Variants in PCDHA5 observed in about 807,000 individuals in gnomAD.
The protein encoded by PCDHA5 is protocadherin alpha 5, also known as protocadherin alpha-5.
In PCDHA5, 43 loss-of-function variants were observed where a neutral mutation model predicts 61.6. The ratio of observed to expected loss-of-function variants is 0.70; its 90% confidence interval spans 0.55 to 0.90. PCDHA5 has a LOEUF of 0.90. PCDHA5 is among the 40% of genes least tolerant of loss of function. The pLI, the probability that PCDHA5 is intolerant of heterozygous loss-of-function variation, is 0.00. For synonymous variants in PCDHA5, 627 were observed against 543.9 expected (o/e 1.15, Z -2.13); for missense variants, 1,298 against 1,222.7 (o/e 1.06, Z -0.92).
At chr5:140,837,768 C>T (rs1391486118) in intron 1 of PCDHA5, among the ~76,000 whole-genome samples, 1 of 151,702 alleles carries the variant, frequency 6.6e-6, no homozygotes, top group Non-Finnish European at 1.5e-5. Flanking sequence ...CCTGAAAGTC[C>T]TGGGCTCACA....
rs1483441672 is a variant in PCDHA5 at position 140,821,663 on chromosome 5, A to G, written c.-113A>G. 2.5e-5 allele frequency: 31 copies of G among 1,228,850 alleles called. No homozygotes were observed. Among genetic ancestry groups the G allele is most frequent in the Non-Finnish European group, 1.6e-5 (14 of 885,450 alleles). The allele number at this position is 1,228,850 out of a possible 1,614,324, so 76.1% of individuals were successfully genotyped here. On this transcript the variant is annotated 5_prime_UTR_variant, in exon 1 of 4. Coordinates refer to ENST00000529859, the MANE Select transcript of PCDHA5 (RefSeq NM_018908.3). ...AGAACCTTCCATTTTTGGCTGTGCC[A>G]AGAAGCTCAGAAAGGCGATAATATA...
At chr5:140,922,815 C>G (rs2081002299) in intron 1 of PCDHA5, among the ~76,000 whole-genome samples, 2 of 152,158 alleles carry the variant, frequency 1.3e-5, no homozygotes, top group Non-Finnish European at 2.9e-5. Context: ...AAAGGAGATA[C>G]AGCATACTGC....
At chr5:140,963,714 A>G (rs1554226741) in intron 1 of PCDHA5, among the ~76,000 whole-genome samples, 2 of 152,260 alleles carry the variant, frequency 1.3e-5, no homozygotes, top group Admixed American at 6.5e-5. Context: ...GCCATGCTAC[A>G]TATAGACTGC....
In PCDHA5 at chr5:140,857,166, T is replaced by A. The variant is rs1554149611; in HGVS notation, c.2352+33039T>A. ...GGCACCGTCATTGCCCTAATCAGCG[T>A]TTCTGACCATGATTCAGGAGCCAAC... On this transcript the variant is annotated intron_variant, in intron 1 of 3. Transcript: ENST00000529859. 3.1e-6 allele frequency: 5 copies of A among 1,598,172 alleles called. No homozygotes were observed. The African/African-American group carries it at 5.4e-5, about 17-fold the overall frequency.
At chr5:140,919,610 T>G (rs1173177727) in intron 1 of PCDHA5, among the ~76,000 whole-genome samples, 1 of 152,216 alleles carries the variant, frequency 6.6e-6, no homozygotes, top group Non-Finnish European at 1.5e-5. Flanking sequence ...AATTTTAAAC[T>G]GTATCTTTTG....
At chr5:140,868,894 G>T in intron 1 of PCDHA5, 6 of 771,428 alleles carry the variant, frequency 7.8e-6, no homozygotes, top group Non-Finnish European at 1.2e-5. Flanking sequence ...TTAGGCGCAA[G>T]GTGTCGCTCT....
At chr5:140,873,725 A>G (rs1235492447) in intron 1 of PCDHA5, among the ~76,000 whole-genome samples, 7 of 152,112 alleles carry the variant, frequency 4.6e-5, no homozygotes, top group Non-Finnish European at 7.4e-5. Context: ...CAGTGGCGCA[A>G]TCTCAGCTCA....
intron 1 of PCDHA5, chr5:140,834,263 T>C (rs1772873408): frequency 9.0e-6 from 9 of 995,660 alleles, no homozygotes; most frequent in South Asian, 8.2e-5. Flanking sequence ...CGCTCCACTC[T>C]CTTTCACTCT....
At chr5:140,915,781 A>C (rs2153536351) in intron 1 of PCDHA5, among the ~76,000 whole-genome samples, 1 of 152,104 alleles carries the variant, frequency 6.6e-6, no homozygotes, top group South Asian at 2.1e-4. Flanking sequence ...GGCCTGCTGT[A>C]ACCACTACCT....
chr5:140,960,249 T>C (rs2095534563), intron 1 of PCDHA5, among the ~76,000 whole-genome samples: 1 of 152,210 alleles, frequency 6.6e-6, no homozygotes, highest in African/African-American at 2.4e-5. Flanking sequence ...AGAAGCTTCC[T>C]GGAGCTTCTG....
In PCDHA5 at chr5:141,012,204, T is replaced by C. The variant is rs1053312501; in HGVS notation, c.*2267T>C. The C allele has an allele frequency of 1.3e-5, 2 of 153,800 alleles. No homozygotes were observed. Among genetic ancestry groups the C allele is most frequent in the African/African-American group, 4.8e-5 (2 of 41,474 alleles). 9.5% of individuals were successfully genotyped at this position (153,800 alleles called of 1,614,324 possible). On this transcript the variant is annotated 3_prime_UTR_variant, in exon 4 of 4. Transcript: ENST00000529859. ...TATAATGTATCTGTACAGCACTTTT[T>C]ACATTTGCGAAGTGCTTTCCAATCC...
chr5:141,009,709 C>T lies in PCDHA5; in HGVS notation c.2583C>T (p.Asn861=). The part of the protein sequence containing the change: ...NSWTFKYGPG[N]PKQSGPGELP... ...GGACCTTTAAATACGGACCAGGCAA[C>T]CCCAAACAATCCGGTCCCGGTGAGT... The change falls in exon 4 of 4, where the codon AAC becomes AAT. Residue 861 remains asparagine (N), a synonymous_variant. Coordinates refer to ENST00000529859, the MANE Select transcript of PCDHA5 (RefSeq NM_018908.3). 1 of 1,614,118 alleles carries T rather than the reference C, an allele frequency of 6.2e-7. No homozygotes were observed. Among genetic ancestry groups the T allele is most frequent in the Non-Finnish European group, 8.5e-7 (1 of 1,180,024 alleles).
intron 1 of PCDHA5, chr5:140,869,050 A>T: frequency 1.3e-6 from 2 of 1,533,074 alleles, no homozygotes; most frequent in South Asian, 2.6e-5. Context: ...GAAACTGAAG[A>T]ATCTGGTACT....
At chr5:140,967,207 T>G (rs376266648) in intron 1 of PCDHA5, 16 of 1,613,648 alleles carry the variant, frequency 9.9e-6, no homozygotes, top group Non-Finnish European at 1.1e-5. Flanking sequence ...ACTCACCGCG[T>G]TTCCCGCGGC....
In PCDHA5 at chr5:140,952,684, C is replaced by T. The variant is rs1165956619; in HGVS notation, c.2353-26265C>T. On this transcript the variant is annotated intron_variant, in intron 1 of 3. Coordinates refer to ENST00000529859, the MANE Select transcript of PCDHA5 (RefSeq NM_018908.3). The stretch of plus-strand genomic sequence containing the variant: ...AAAGTCACTTTCACATTTTCAGGAT[C>T]TTTATAGCAATATCCCACTCTCAGT... Among the ~76,000 whole-genome samples the T allele has an allele frequency of 2.0e-5, 3 of 152,308 alleles. No individual in the cohort carries two copies. The East Asian group carries it at 5.8e-4, about 29-fold the overall frequency.
At chr5:140,978,873 A>G in intron 1 of PCDHA5, 76 bp from the exon 2 acceptor site, 2 of 1,608,618 alleles carry the variant, frequency 1.2e-6, no homozygotes, top group Non-Finnish European at 1.7e-6. Flanking sequence ...TAAGGGAGTA[A>G]CTAATCAATT....
rs1444177179 is a variant in PCDHA5 at position 140,984,821 on chromosome 5, T to C, written c.2500+2258T>C. On this transcript the variant is annotated intron_variant, in intron 3 of 3. Transcript: ENST00000529859. ...CTGCCTGAATTCATATTTTCTTAAT[T>C]ACCCTTTCTGTAAATTGGGTGTAGT... Among the ~76,000 whole-genome samples, 4 of 152,192 alleles carry C rather than the reference T, an allele frequency of 2.6e-5. No individual in the cohort carries two copies. In the East Asian group the frequency reaches 7.7e-4, roughly 29 times the overall value.
chr5:140,825,846 T>C (rs1768735970), intron 1 of PCDHA5: 1 of 152,436 alleles, frequency 6.6e-6, no homozygotes, highest in Non-Finnish European at 1.5e-5. Flanking sequence ...TATACCATGA[T>C]ACAAACTCCC....
chr5:140,877,228 G>A, intron 1 of PCDHA5: 2 of 1,613,700 alleles, frequency 1.2e-6, no homozygotes, highest in Non-Finnish European at 1.7e-6. Context: ...GCGGTCGGTG[G>A]GTGCGGGCCA....
Sources: allele counts gnomAD v4.1 joint callset (sites outside exome capture counted in the v4.1 genomes callset), GRCh38; gene constraint gnomAD v4.1.1; transcripts MANE v1.5; gene names NCBI Gene and HGNC (gene_info 2026-07-23, HGNC 2026-07-21).